Variants in WDR7 observed in about 807,000 individuals in gnomAD.
WDR7 encodes WD repeat-containing protein 7.
A neutral mutation model predicts 169.4 loss-of-function variants in WDR7; 46 were observed. That is an observed-to-expected ratio of 0.27 (90% confidence interval 0.21 to 0.35). The LOEUF is 0.35. Ranked by LOEUF, WDR7 falls within the 10% of genes least tolerant of loss-of-function variation. The pLI, the probability that WDR7 is intolerant of heterozygous loss-of-function variation, is 1.00. For missense variants in WDR7, 1,534 were observed against 1,859.3 expected (o/e 0.83, Z 3.22); for synonymous variants, 612 against 666.8 (o/e 0.92, Z 1.27).
At chr18:56,676,361 A>G (rs2025244192) in intron 2 of WDR7, among the ~76,000 whole-genome samples, 1 of 152,140 alleles carries the variant, frequency 6.6e-6, no homozygotes, top group Non-Finnish European at 1.5e-5. Context: ...TAGTCCATTT[A>G]CATTCAGTGT....
chr18:56,920,346 A>G (rs902130156), intron 21 of WDR7, among the ~76,000 whole-genome samples: 4 of 152,218 alleles, frequency 2.6e-5, no homozygotes, highest in African/African-American at 9.6e-5. Flanking sequence ...TTGTGCTTAT[A>G]AAAATTATAA....
At chr18:56,972,508 C>T (rs1367494162) in intron 26 of WDR7, among the ~76,000 whole-genome samples, 1 of 152,174 alleles carries the variant, frequency 6.6e-6, no homozygotes, top group Admixed American at 6.5e-5. Context: ...CTGCTCTTTT[C>T]AGCAGCTGGT....
intron 20 of WDR7, among the ~76,000 whole-genome samples, chr18:56,870,296 C>T (rs2045936056): frequency 6.6e-6 from 1 of 151,898 alleles, no homozygotes; most frequent in African/African-American, 2.4e-5. Context: ...TACTTTATCC[C>T]TACTTTAAGC....
chr18:56,811,017 A>G (rs2044859333), intron 19 of WDR7, among the ~76,000 whole-genome samples: 1 of 152,186 alleles, frequency 6.6e-6, no homozygotes, highest in South Asian at 2.1e-4. Flanking sequence ...TCTTCTAGAC[A>G]TTTCATGTAA....
At chr18:57,031,777 G>A (rs998344140), downstream of WDR7, 1 of 152,124 alleles carries the variant, frequency 6.6e-6, no homozygotes, top group African/African-American at 2.4e-5. Flanking sequence ...GAATTGTAGG[G>A]GTATGAAGTA....
chr18:56,728,850 A>C (rs2026519659), intron 13 of WDR7, among the ~76,000 whole-genome samples: 1 of 152,004 alleles, frequency 6.6e-6, no homozygotes, highest in Non-Finnish European at 1.5e-5. Context: ...TGCTGCCACC[A>C]CTTCCCTCTT....
At chr18:56,969,143 C>G (rs950976717) in intron 26 of WDR7, among the ~76,000 whole-genome samples, 1 of 152,202 alleles carries the variant, frequency 6.6e-6, no homozygotes, top group Non-Finnish European at 1.5e-5. Context: ...GACAATCTCT[C>G]TAGCCCATAC....
intron 21 of WDR7, among the ~76,000 whole-genome samples, chr18:56,886,186 T>C (rs2046190416): frequency 6.6e-6 from 1 of 152,134 alleles, no homozygotes; most frequent in African/African-American, 2.4e-5. Context: ...TCAGGTTATC[T>C]AAAGTCGAGA....
At chr18:57,000,131 G>T (rs1419931520) in intron 26 of WDR7, among the ~76,000 whole-genome samples, 3 of 152,146 alleles carry the variant, frequency 2.0e-5, no homozygotes, top group African/African-American at 7.2e-5. Context: ...AACATTCAGG[G>T]AGAATGTCAG....
chr18:56,802,911 G>A (rs1459650949), intron 19 of WDR7, among the ~76,000 whole-genome samples: 4 of 144,678 alleles, frequency 2.8e-5, no homozygotes, highest in African/African-American at 1.0e-4. Context: ...TTTCTCCTGT[G>A]TTTTTTTTTT....
At chr18:56,771,893 A>G (rs1253312326) in intron 16 of WDR7, among the ~76,000 whole-genome samples, 1 of 143,934 alleles carries the variant, frequency 6.9e-6, no homozygotes, top group Non-Finnish European at 1.5e-5. Context: ...AAAGAAGAAG[A>G]AAAAAAAAAT....
At chr18:56,838,466 A>C (rs1045141389) in intron 20 of WDR7, among the ~76,000 whole-genome samples, 2 of 152,216 alleles carry the variant, frequency 1.3e-5, no homozygotes, top group African/African-American at 4.8e-5. Context: ...ATGGACACAA[A>C]ATCTTTAGTG....
intron 20 of WDR7, among the ~76,000 whole-genome samples, chr18:56,847,059 G>A (rs940057862): frequency 6.6e-6 from 1 of 152,132 alleles, no homozygotes; most frequent in African/African-American, 2.4e-5. Flanking sequence ...AAGATATGAG[G>A]GGAAGTTGGG....
the WDR7 span, chr18:57,035,471 G>A: frequency 6.6e-6 from 1 of 152,432 alleles, no homozygotes; most frequent in Admixed American, 6.5e-5. Flanking sequence ...GACAGAGGGT[G>A]GAGGCAAGAA....
intron 26 of WDR7, among the ~76,000 whole-genome samples, chr18:56,980,573 A>AG (rs1568297942): frequency 6.2e-4 from 92 of 149,000 alleles, no homozygotes; most frequent in Admixed American, 1.9e-3. Flanking sequence ...AAATAATTAA[A>AG]GAAACACATT....
At chr18:56,802,961 A>G (rs1377514524) in intron 19 of WDR7, among the ~76,000 whole-genome samples, 1 of 150,544 alleles carries the variant, frequency 6.6e-6, no homozygotes, top group African/African-American at 2.4e-5. Flanking sequence ...CTGTCTTTCC[A>G]TTTATTTCTC....
intron 19 of WDR7, among the ~76,000 whole-genome samples, chr18:56,814,929 C>T (rs17090365): frequency 0.025 from 3,796 of 152,020 alleles, 69 homozygotes; most frequent in African/African-American, 0.042. Flanking sequence ...CAAAATGGTG[C>T]GTTTTAGTCC....
chr18:56,839,943 T>C (rs1242806770), intron 20 of WDR7, among the ~76,000 whole-genome samples: 1 of 152,096 alleles, frequency 6.6e-6, no homozygotes, highest in Non-Finnish European at 1.5e-5. Context: ...GTGCCTGTAA[T>C]CCCAGCTACT....
intron 20 of WDR7, among the ~76,000 whole-genome samples, chr18:56,827,217 A>T (rs931384375): frequency 1.3e-5 from 2 of 152,174 alleles, no homozygotes; most frequent in African/African-American, 2.4e-5. Context: ...TTACTTGTTC[A>T]TTGTATGCCC....
Sources: allele counts gnomAD v4.1 joint callset (sites outside exome capture counted in the v4.1 genomes callset), GRCh38; gene constraint gnomAD v4.1.1; transcripts MANE v1.5; gene names NCBI Gene and HGNC (gene_info 2026-07-23, HGNC 2026-07-21).